MAP1B: variants seen among roughly 807,000 people sequenced by gnomAD.
The protein encoded by MAP1B is microtubule associated protein 1B.
In MAP1B, 12 loss-of-function variants were observed where a neutral mutation model predicts 176.1. That is an observed-to-expected ratio of 0.07 (90% CI 0.04 to 0.11). MAP1B has a LOEUF of 0.11. MAP1B is among the 10% of genes least tolerant of loss of function. MAP1B has a pLI of 1.00. For missense variants in MAP1B, 2,523 were observed against 2,990.5 expected (o/e 0.84, Z 3.65); for synonymous variants, 1,044 against 1,135.0 (o/e 0.92, Z 1.61).
intron 2 of MAP1B, among the ~76,000 whole-genome samples, chr5:72,125,584 A>G (rs865782276): frequency 6.6e-6 from 1 of 152,240 alleles, no homozygotes; most frequent in African/African-American, 2.4e-5. Context: ...TGGAAATAAG[A>G]TAACTAATGA....
rs150066815 is a variant in MAP1B, at chr5:72,121,960, T to C, written c.286+6161T>C. Among the ~76,000 whole-genome samples the C allele has an allele frequency of 7.2e-5, 11 of 152,378 alleles. No individual in the cohort carries two copies. The East Asian group carries it at 2.1e-3, about 29-fold the overall frequency. ...GCCGATTCTTTATCCTCATGTTTTC[T>C]GTGTTGTTTGTGTACACGCACAGGT... is the stretch of plus-strand genomic sequence containing the variant. On this transcript the variant is annotated intron_variant, in intron 2 of 6. Coordinates refer to ENST00000296755, the MANE Select transcript of MAP1B (RefSeq NM_005909.5).
intron 3 of MAP1B, among the ~76,000 whole-genome samples, chr5:72,185,467 T>C (rs1486863282): frequency 6.6e-6 from 1 of 152,084 alleles, no homozygotes; most frequent in Non-Finnish European, 1.5e-5. Flanking sequence ...TGGTGTTGCA[T>C]GCCTGTGGTC....
At chr5:72,177,691 C>T (rs1424816026) in intron 2 of MAP1B, among the ~76,000 whole-genome samples, 1 of 152,236 alleles carries the variant, frequency 6.6e-6, no homozygotes, top group Non-Finnish European at 1.5e-5. Flanking sequence ...AATGATTTCA[C>T]ACCATAAGCT....
At chr5:72,119,731 A>G (rs781389801) in intron 2 of MAP1B, among the ~76,000 whole-genome samples, 2 of 151,824 alleles carry the variant, frequency 1.3e-5, no homozygotes, top group Non-Finnish European at 2.9e-5. Flanking sequence ...CTGATCTCGA[A>G]CTCCTGAGCT....
intron 5 of MAP1B, among the ~76,000 whole-genome samples, chr5:72,200,731 G>A (rs1479879933): frequency 3.3e-5 from 5 of 152,142 alleles, no homozygotes; most frequent in African/African-American, 9.7e-5. Flanking sequence ...ATCCAGCAGG[G>A]TAACACAGGC....
intron 2 of MAP1B, among the ~76,000 whole-genome samples, chr5:72,161,963 A>G (rs1314997909): frequency 1.3e-5 from 2 of 149,576 alleles, no homozygotes; most frequent in East Asian, 1.9e-4. Flanking sequence ...TCTCAAAAAA[A>G]AAAAAAAAAA....
intron 2 of MAP1B, among the ~76,000 whole-genome samples, chr5:72,166,329 C>T (rs113520612): frequency 0.028 from 4,276 of 152,234 alleles, 82 homozygotes; most frequent in Non-Finnish European, 0.042. Flanking sequence ...GACCCCTTTC[C>T]AGCCTCTGGG....
At chr5:72,171,173 A>C (rs1219828265) in intron 2 of MAP1B, among the ~76,000 whole-genome samples, 1 of 152,192 alleles carries the variant, frequency 6.6e-6, no homozygotes, top group Admixed American at 6.5e-5. Context: ...AAACATGAGC[A>C]AATATGGTGG....
chr5:72,128,173 A>G (rs1181401237), intron 2 of MAP1B, among the ~76,000 whole-genome samples: 1 of 152,190 alleles, frequency 6.6e-6, no homozygotes, highest in Non-Finnish European at 1.5e-5. Context: ...CTCAGGAGGA[A>G]GATCATCTCT....
In MAP1B at chr5:72,197,998, G is replaced by C; in HGVS notation, c.4643G>C (p.Gly1548Ala). Residue 1548 changes from glycine (G) to alanine (A), a missense_variant, in exon 5 of 7, where the codon GGT (glycine) becomes GCT (alanine). By Grantham distance (60) the Gly-to-Ala change is moderately conservative (BLOSUM62 0). Around this residue, in one of 4 missense-constraint regions of MAP1B, gnomAD observed 1,925 missense variants for 2,126.0 expected, o/e 0.91. Coordinates refer to ENST00000296755, the MANE Select transcript of MAP1B (RefSeq NM_005909.5). ...VAEDTYSHME[G>A]VASVSTASVA... The stretch of plus-strand genomic sequence containing the variant: ...GAAGACACGTACTCTCATATGGAGG[G>C]TGTGGCCTCAGTGTCCACAGCCTCA... The C allele has an allele frequency of 2.5e-6, 4 of 1,614,154 alleles. No homozygotes were observed. Among genetic ancestry groups the C allele is most frequent in the Non-Finnish European group, 3.4e-6 (4 of 1,180,000 alleles).
chr5:72,129,526 T>C (rs891508311), intron 2 of MAP1B, among the ~76,000 whole-genome samples: 2 of 151,946 alleles, frequency 1.3e-5, no homozygotes, highest in Admixed American at 6.6e-5. Flanking sequence ...CACTGCACTC[T>C]AGCCTAGCTG....
intron 2 of MAP1B, among the ~76,000 whole-genome samples, chr5:72,152,224 C>T (rs1026984891): frequency 9.2e-5 from 14 of 152,024 alleles, no homozygotes; most frequent in African/African-American, 3.1e-4. Context: ...TTTTTTTTTA[C>T]GTAAAAAGTA....
chr5:72,115,835 TC>T (rs756273922), intron 2 of MAP1B, 36 bp downstream of exon 2: 13 of 1,456,030 alleles, frequency 8.9e-6, no homozygotes, highest in Non-Finnish European at 1.3e-5. Flanking sequence ...AGCCTAGAAT[TC>T]CAAAGGACAA....
rs2112188466 is a variant in MAP1B at position 72,167,151 on chromosome 5, C to T, written c.287-16592C>T. ...AAGGGAAACAGGGGATCCAAATTTACATCATGGTTTAGCGTTCTGCTAAAT... is the reference window on the plus strand; with the variant it reads ...AAGGGAAACAGGGGATCCAAATTTATATCATGGTTTAGCGTTCTGCTAAAT... On this transcript the variant is annotated intron_variant, in intron 2 of 6. Transcript: ENST00000296755. Among the ~76,000 whole-genome samples the T allele has an allele frequency of 2.6e-5, 4 of 151,922 alleles. No homozygotes were observed. In the Middle Eastern group the frequency reaches 0.01, roughly 390 times the overall value.
At chr5:72,117,491 C>G (rs1745455667) in intron 2 of MAP1B, among the ~76,000 whole-genome samples, 1 of 152,172 alleles carries the variant, frequency 6.6e-6, no homozygotes, top group Non-Finnish European at 1.5e-5. Context: ...GTGACAACTG[C>G]ATATTGCATA....
At chr5:72,137,505 T>C (rs1745858938) in intron 2 of MAP1B, among the ~76,000 whole-genome samples, 1 of 152,220 alleles carries the variant, frequency 6.6e-6, no homozygotes, top group Non-Finnish European at 1.5e-5. Context: ...TTAATTTACC[T>C]GGCCAAATCA....
intron 2 of MAP1B, among the ~76,000 whole-genome samples, chr5:72,171,160 G>A (rs1004544061): frequency 3.9e-5 from 6 of 152,242 alleles, no homozygotes; most frequent in African/African-American, 9.6e-5. Flanking sequence ...AGGGTAAAGA[G>A]GAAAACATGA....
chr5:72,202,734 A>G (rs1747358404), intron 5 of MAP1B, among the ~76,000 whole-genome samples: 1 of 152,242 alleles, frequency 6.6e-6, no homozygotes. Flanking sequence ...CAGGCTGAAG[A>G]ACCACTGCCT....
chr5:72,143,100 C>A (rs1244848954), intron 2 of MAP1B, among the ~76,000 whole-genome samples: 2 of 151,968 alleles, frequency 1.3e-5, no homozygotes, highest in Non-Finnish European at 1.5e-5. Flanking sequence ...TGAGTGTGTG[C>A]AGTTGCTATA....
Sources: gnomAD v4.1 joint callset for allele counts (sites outside exome capture counted in the v4.1 genomes callset) on GRCh38, gnomAD v4.1.1 for gene constraint, gnomAD v4.1.1 regional missense constraint, MANE v1.5 for transcripts, NCBI Gene and HGNC (gene_info 2026-07-23, HGNC 2026-07-21) for gene names.